Variants in LOXL2 observed in about 807,000 individuals in gnomAD.
LOXL2 encodes the protein lysyl oxidase like 2.
LOXL2 carries 70 observed loss-of-function variants against 93.0 expected under a neutral mutation model. The ratio of observed to expected loss-of-function variants is 0.75; its 90% CI spans 0.62 to 0.92. The LOEUF (loss-of-function observed/expected upper bound fraction) is 0.92, where lower values mean the gene tolerates loss of function less well. Among genes scored for constraint, LOXL2 ranks in the 40% least tolerant of loss-of-function variants. The pLI, the probability that LOXL2 is intolerant of heterozygous loss-of-function variation, is 0.00. For missense variants in LOXL2, 973 were observed against 1,054.9 expected, an observed-to-expected ratio of 0.92 and a Z score of 1.08; for synonymous variants, 438 against 413.2, an observed-to-expected ratio of 1.06 and a Z score of -0.73.
chr8:23,338,594 G>A (rs1450642150), intron 4 of LOXL2, among the ~76,000 whole-genome samples: 4 of 152,336 alleles, frequency 2.6e-5, no homozygotes. Flanking sequence ...GGGAGGGAAG[G>A]GGGTCCCTTC....
intron 1 of LOXL2, chr8:23,402,779 G>GGAAA (rs1374239626): frequency 1.4e-5 from 2 of 138,654 alleles, no homozygotes; most frequent in African/African-American, 5.3e-5. Flanking sequence ...TCCTCTGGGA[G>GGAAA]AAAAAAAAAA....
rs987491802 is a variant in LOXL2, at chr8:23,297,789, C to T, written c.*254G>A. The T allele has an allele frequency of 2.5e-5, 11 of 439,472 alleles. No homozygotes were observed. The highest frequency in any genetic ancestry group is 4.5e-5 in the Non-Finnish European group (11 of 243,348). The allele number at this position is 439,472 out of a possible 1,614,324, so 27.2% of individuals were successfully genotyped here. A position where few individuals can be genotyped will look rare whatever the true frequency, so the allele number is the denominator to read the frequency against. ...TCCCGGTCAAGACTGGCTCTTGGTG[C>T]TGCTCCAGCAGCTCTGTGGACAAAC... is the stretch of plus-strand genomic sequence containing the variant. On this transcript the variant is annotated 3_prime_UTR_variant, in exon 14 of 14. Coordinates refer to ENST00000389131, the MANE Select transcript of LOXL2 (RefSeq NM_002318.3).
At chr8:23,317,968 C>T (rs553226975) in intron 8 of LOXL2, among the ~76,000 whole-genome samples, 404 of 35,144 alleles carry the variant, frequency 0.011, 7 homozygotes, top group Admixed American at 0.092. Context: ...ATTAGTATCT[C>T]ATCTAAACTC....
At chr8:23,358,550 G>T (rs988183974) in intron 3 of LOXL2, among the ~76,000 whole-genome samples, 1 of 152,208 alleles carries the variant, frequency 6.6e-6, no homozygotes, top group African/African-American at 2.4e-5. Flanking sequence ...AATCCCTTGG[G>T]GGTGGCATCT....
chr8:23,372,845 A>C (rs1182904740), intron 1 of LOXL2, among the ~76,000 whole-genome samples: 2 of 152,210 alleles, frequency 1.3e-5, no homozygotes, highest in Non-Finnish European at 2.9e-5. Context: ...GACACAGAAA[A>C]ATCCTGGGGT....
rs139670152 is a variant in LOXL2 at position 23,341,306 on chromosome 8, G to A, written c.532-103C>T. On this transcript the variant is annotated intron_variant, in intron 3 of 13. Coordinates refer to ENST00000389131, the MANE Select transcript of LOXL2 (RefSeq NM_002318.3). ...TTAGCGACTATGGGCCAGGCCTGCC[G>A]CGGGCCTGCCTGTGCCCTCAGGCCC... The A allele has an allele frequency of 3.4e-4, 321 of 954,016 alleles. 1 individual carries two copies. In the African/African-American group the frequency reaches 4.5e-3, roughly 13 times the overall value. 59.1% of individuals were successfully genotyped at this position (954,016 alleles called of 1,614,324 possible).
chr8:23,377,987 G>A (rs1804620214), intron 1 of LOXL2, among the ~76,000 whole-genome samples: 1 of 152,186 alleles, frequency 6.6e-6, no homozygotes, highest in South Asian at 2.1e-4. Flanking sequence ...TCATTATAAT[G>A]TTAGCTGGTT....
At chr8:23,308,810 G>A (rs930351569) in intron 10 of LOXL2, among the ~76,000 whole-genome samples, 1 of 152,096 alleles carries the variant, frequency 6.6e-6, no homozygotes, top group Non-Finnish European at 1.5e-5. Context: ...GGAAGGGACA[G>A]GCGAGGTCCC....
At chr8:23,379,984 A>G (rs1485721936) in intron 1 of LOXL2, among the ~76,000 whole-genome samples, 1 of 152,198 alleles carries the variant, frequency 6.6e-6, no homozygotes, top group Non-Finnish European at 1.5e-5. Context: ...GAGATGAACC[A>G]AGTACCTCAG....
intron 3 of LOXL2, 32 bp from the exon 4 acceptor site, chr8:23,341,235 T>G: frequency 1.6e-5 from 24 of 1,545,064 alleles, no homozygotes; most frequent in East Asian, 2.2e-5. Context: ...AGGAGAGGGT[T>G]ACCCTACTGG....
At chr8:23,328,631 C>T in intron 5 of LOXL2, 66 bp from the exon 6 acceptor site, 1 of 1,492,574 alleles carries the variant, frequency 6.7e-7, no homozygotes, top group Non-Finnish European at 9.3e-7. Context: ...ACCACTGTCC[C>T]CGCCCCCTCC....
rs1431542841 is a variant in LOXL2 at position 23,303,314 on chromosome 8, C to A, written c.1964G>T (p.Ser655Ile). 1 of 1,613,600 alleles carries A rather than the reference C, an allele frequency of 6.2e-7. No individual in the cohort carries two copies. The highest frequency in any genetic ancestry group is 1.3e-5 in the African/African-American group (1 of 74,944). The change falls in exon 11 of 14, where the codon AGC becomes ATC. Residue 655 changes from serine to isoleucine, a missense_variant. Physicochemically the swap from Ser to Ile is moderately radical, Grantham distance 142. Coordinates refer to ENST00000389131, the MANE Select transcript of LOXL2 (RefSeq NM_002318.3). ...GTKVAEGHKA[S>I]FCLEDTECEG... ...ACATTCTGTGTCCTCCAAGCAGAAG[C>A]TGGCCTTGTGGCCCTCTGCCACCTT... is the stretch of plus-strand genomic sequence containing the variant.
intron 3 of LOXL2, among the ~76,000 whole-genome samples, chr8:23,354,442 A>G (rs1804149420): frequency 1.3e-5 from 2 of 152,198 alleles, no homozygotes; most frequent in South Asian, 4.1e-4. Flanking sequence ...AACTGGGGAA[A>G]GTCGAGGGAG....
intron 13 of LOXL2, 83 bp from the exon 14 acceptor site, chr8:23,298,205 CAG>C (rs1199213743): frequency 2.5e-5 from 26 of 1,048,800 alleles, no homozygotes; most frequent in African/African-American, 1.2e-4. Flanking sequence ...GAGTGGGCCT[CAG>C]GGGCTGCTGG....
At chr8:23,309,987 GA>G in intron 9 of LOXL2, 76 bp from the exon 10 acceptor site, 1 of 1,391,142 alleles carries the variant, frequency 7.2e-7, no homozygotes, top group Non-Finnish European at 9.4e-7. Context: ...CTTGAGCTGG[GA>G]CAAACCCCCT....
At chr8:23,333,366 G>A (rs1462462216) in intron 5 of LOXL2, 35 bp downstream of exon 5, 1 of 1,593,672 alleles carries the variant, frequency 6.3e-7, no homozygotes, top group Non-Finnish European at 8.6e-7. Flanking sequence ...TCCCCTCCAG[G>A]TGCCAAGTGG....
Position 23,297,724 on chromosome 8 carries a change from T to TCC in LOXL2, c.*318_*319insGG. ...TGTGTCTGTGGTGAGCTCGGTGGCTTGAATGGGACAAGCTGATGACAACCT... is the reference window on the plus strand; with the variant it reads ...TGTGTCTGTGGTGAGCTCGGTGGCTTCCGAATGGGACAAGCTGATGACAACCT... On this transcript the variant is annotated 3_prime_UTR_variant, in exon 14 of 14. Transcript: ENST00000389131. 4.7e-6 allele frequency: 1 copy of TCC among 212,332 alleles called. No homozygotes were observed. Among genetic ancestry groups the TCC allele is most frequent in the South Asian group, 1.4e-4 (1 of 7,014 alleles). The allele number at this position is 212,332 out of a possible 1,614,324, so 13.2% of individuals were successfully genotyped here.
chr8:23,301,096 G>A lies in LOXL2; in HGVS notation c.2133+931C>T, dbSNP rs182067185. Among the ~76,000 whole-genome samples the A allele has an allele frequency of 1.9e-3, 282 of 152,346 alleles. 1 individual carries two copies. The highest frequency in any genetic ancestry group is 0.017 in the Admixed American group (263 of 15,308). On this transcript the variant is annotated intron_variant, in intron 12 of 13. Transcript: ENST00000389131. ...AGAGGACTGTCTGTAGGTGGGGACC[G>A]TGGGCCAGGCCCTGGGCTGGCTGAA...
At chr8:23,391,006 G>T (rs1804835515) in intron 1 of LOXL2, among the ~76,000 whole-genome samples, 2 of 152,044 alleles carry the variant, frequency 1.3e-5, no homozygotes, top group South Asian at 4.2e-4. Context: ...GAATATGAGA[G>T]CCAAGCGAAA....
Sources: gnomAD v4.1 joint callset for allele counts (sites outside exome capture counted in the v4.1 genomes callset) on GRCh38, gnomAD v4.1.1 for gene constraint, MANE v1.5 for transcripts, NCBI Gene and HGNC (gene_info 2026-07-23, HGNC 2026-07-21) for gene names.